TMF1: variants seen among roughly 807,000 people sequenced by gnomAD.
The protein encoded by TMF1 is TATA element modulatory factor 1, also known as TATA element modulatory factor.
TMF1 carries 71 observed loss-of-function variants against 126.5 expected under a neutral mutation model. That is an observed-to-expected ratio of 0.56 (90% confidence interval 0.46 to 0.68). The LOEUF is 0.68. Among genes scored for constraint, TMF1 ranks in the 30% least tolerant of loss-of-function variants. The pLI is 0.00. For missense variants in TMF1, 1,259 were observed against 1,253.2 expected (o/e 1.00, Z -0.07); for synonymous variants, 461 against 430.5 (o/e 1.07, Z -0.88).
At position 69,048,108 on chromosome 3, in the gene TMF1, A is replaced by G. The variant is rs899308014; in HGVS notation, c.597T>C (p.Ser199=). ...CCATAGTTGTTTTCACATCAATTAC[A>G]CTTTCAGATACTTTCAAACTTACAG... ...VPTVSLKVSE[S]VIDVKTTMES... is the part of the protein sequence containing the mutation. The change falls in exon 2 of 17, where the codon AGT becomes AGC. Residue 199 remains serine, a synonymous_variant. Transcript: ENST00000398559. 2 of 1,614,164 alleles carry G rather than the reference A, an allele frequency of 1.2e-6. No individual in the cohort carries two copies. The highest frequency in any genetic ancestry group is 1.3e-5 in the African/African-American group (1 of 75,050).
chr3:69,038,857 C>A lies in TMF1; in HGVS notation c.1980G>T (p.Leu660=), dbSNP rs766993601. The A allele has an allele frequency of 6.2e-7, 1 of 1,607,578 alleles. No homozygotes were observed. The highest frequency in any genetic ancestry group is 1.7e-5 in the Admixed American group (1 of 58,592). Residue 660 remains leucine (L), a synonymous_variant, in exon 7 of 17, where the codon CTG becomes CTT. Transcript: ENST00000398559. ...EEKNRSIQAA[L]DSAYKELTDL... The stretch of plus-strand genomic sequence containing the variant: ...CATTTTCTTACTTGTATGCACTATC[C>A]AGGGCAGCCTGAATACTTCGGTTCT...
chr3:69,024,263 GT>G lies in TMF1; in HGVS notation c.3013-84del. Reference sequence around the variant, plus strand: ...AGTAATATAAAAATATTTAATGTGTGTGTGGTTTTTTTTTTTTTTTTGAAAT... The same window carrying G: ...AGTAATATAAAAATATTTAATGTGTGGTGGTTTTTTTTTTTTTTTTGAAAT... On this transcript the variant is annotated intron_variant, in intron 15 of 16. Coordinates refer to ENST00000398559, the MANE Select transcript of TMF1 (RefSeq NM_007114.3). The G allele has an allele frequency of 7.9e-6, 9 of 1,136,950 alleles. No homozygotes were observed. The East Asian group carries it at 2.1e-4, about 26-fold the overall frequency. 70.4% of individuals were successfully genotyped at this position (1,136,950 alleles called of 1,614,324 possible). A position where few individuals can be genotyped will look rare whatever the true frequency, so the allele number is the denominator to read the frequency against.
At chr3:69,048,732 T>C (rs1156808724) in intron 1 of TMF1, 170 bp from the exon 2 acceptor site, 12 of 599,888 alleles carry the variant, frequency 2.0e-5, no homozygotes, top group Non-Finnish European at 2.6e-5. Flanking sequence ...AGTTTCCAAG[T>C]TAATACAGGG....
At position 69,039,531 on chromosome 3, in the gene TMF1, G is replaced by A; in HGVS notation, c.1827+20C>T. ...GAAGTAATAACAATATATATGTAGA[G>A]AATTATGATTGCTATTCACCTGTTT... On this transcript the variant is annotated intron_variant, in intron 6 of 16. Transcript: ENST00000398559. The A allele has an allele frequency of 6.2e-7, 1 of 1,605,460 alleles. No individual in the cohort carries two copies. Among genetic ancestry groups the A allele is most frequent in the Non-Finnish European group, 8.5e-7 (1 of 1,177,690 alleles).
chr3:69,029,186 A>G (rs2091786062), intron 11 of TMF1, among the ~76,000 whole-genome samples: 1 of 151,654 alleles, frequency 6.6e-6, no homozygotes, highest in Non-Finnish European at 1.5e-5. Context: ...GGCGTCTGCC[A>G]CCATGCCTGG....
At chr3:69,029,725 G>A (rs549461412) in intron 11 of TMF1, 90 bp downstream of exon 11, 5 of 1,290,536 alleles carry the variant, frequency 3.9e-6, no homozygotes, top group Non-Finnish European at 5.3e-6. Context: ...ACAGGCGTGA[G>A]CCACGGCGCC....
chr3:69,027,105 C>T lies in TMF1; in HGVS notation c.2757+795G>A, dbSNP rs554056519. ...CCGCCTCCCGGGTTCAAGCAATTCT[C>T]CCACCTCTGCCTCCCGAGTAGCTGG... On this transcript the variant is annotated intron_variant, in intron 13 of 16. Coordinates refer to ENST00000398559, the MANE Select transcript of TMF1 (RefSeq NM_007114.3). Among the ~76,000 whole-genome samples the T allele has an allele frequency of 1.6e-3, 249 of 152,242 alleles. 3 individuals carry two copies. The highest frequency in any genetic ancestry group is 5.7e-3 in the African/African-American group (235 of 41,546).
Position 69,030,015 on chromosome 3 carries a change from C to G in TMF1, c.2402-8G>C. 1 of 1,596,520 alleles carries G rather than the reference C, an allele frequency of 6.3e-7. No individual in the cohort carries two copies. Among genetic ancestry groups the G allele is most frequent in the Non-Finnish European group, 8.5e-7 (1 of 1,173,622 alleles). On this transcript the variant is annotated splice_polypyrimidine_tract_variant and splice_region_variant and intron_variant, in intron 10 of 16. Coordinates refer to ENST00000398559, the MANE Select transcript of TMF1 (RefSeq NM_007114.3). ...GCAAGGTCTGGGATTCACCTGATTA[C>G]AGGACAGAAAAAAAAATCACATACA... is the stretch of plus-strand genomic sequence containing the variant.
In TMF1 at chr3:69,039,601, G is replaced by A. The variant is rs1381072211; in HGVS notation, c.1777C>T (p.Leu593=). ...TCTAGCTCTTTAACTTTTTTGTTCA[G>A]CTTTGCAACCATATTTTCATTCTCC... is the stretch of plus-strand genomic sequence containing the variant. ...DKENENMVAK[L]NKKVKELEEE... Residue 593 remains leucine, a synonymous_variant, in exon 6 of 17, where the codon CTG becomes TTG. Transcript: ENST00000398559. The A allele has an allele frequency of 3.1e-6, 5 of 1,613,280 alleles. No individual in the cohort carries two copies. Among genetic ancestry groups the A allele is most frequent in the Non-Finnish European group, 4.2e-6 (5 of 1,179,832 alleles).
chr3:69,043,021 G>T, intron 4 of TMF1, 109 bp from the exon 5 acceptor site: 4 of 747,504 alleles, frequency 5.4e-6, no homozygotes, highest in African/African-American at 1.8e-5. Context: ...TTTGCAATAA[G>T]AATCTGTAAG....
At chr3:69,048,720 G>T (rs920875946) in intron 1 of TMF1, 158 bp from the exon 2 acceptor site, 1 of 662,342 alleles carries the variant, frequency 1.5e-6, no homozygotes, top group Non-Finnish European at 2.3e-6. Context: ...ACATCATTAA[G>T]TAGTTTCCAA....
chr3:69,023,951 A>G, intron 16 of TMF1, 104 bp downstream of exon 16: 4 of 1,127,748 alleles, frequency 3.5e-6, no homozygotes, highest in Non-Finnish European at 4.8e-6. Flanking sequence ...AGTACTCTTT[A>G]ATTTTCAAAT....
At chr3:69,035,263 T>C (rs2091825812) in intron 8 of TMF1, 148 bp from the exon 9 acceptor site, 1 of 622,286 alleles carries the variant, frequency 1.6e-6, no homozygotes, top group African/African-American at 1.8e-5. Context: ...TTATCACATC[T>C]CTCATTCATC....
In TMF1 at chr3:69,025,623, T is replaced by G; in HGVS notation, c.2949A>C (p.Ser983=). Residue 983 remains serine, a synonymous_variant, in exon 15 of 17, where the codon TCA becomes TCC. Coordinates refer to ENST00000398559, the MANE Select transcript of TMF1 (RefSeq NM_007114.3). ...GAGACTGTAGGTTTTCAATTATGCT[T>G]GATCCTGCTCCCATCCTTACAGCAT... is the stretch of plus-strand genomic sequence containing the variant. The part of the protein sequence containing the change: ...LYDAVRMGAG[S]SIIENLQSQL... The G allele has an allele frequency of 6.2e-7, 1 of 1,614,160 alleles. No homozygotes were observed.
Position 69,052,137 on chromosome 3 carries a change from C to T in TMF1, c.-51G>A, listed in dbSNP as rs760523573. 1.9e-6 allele frequency: 3 copies of T among 1,576,014 alleles called. No individual in the cohort carries two copies. Among genetic ancestry groups the T allele is most frequent in the South Asian group, 1.2e-5 (1 of 86,924 alleles). On this transcript the variant is annotated 5_prime_UTR_variant, in exon 1 of 17. Transcript: ENST00000398559. ...GCGGCAGCACCAAGCGGGAAGGCCT[C>T]AGGCCTGGGGAAGGGTGCAGAGGAA...
In TMF1 at chr3:69,025,663, CCATTTGCTGATATAGG is replaced by C; in HGVS notation, c.2893_2908del (p.Pro965GlufsTer8). The stretch of plus-strand genomic sequence containing the variant: ...CCTTACAGCATCATAAAGATTGCTT[CCATTTGCTGATATAGG>C]CATTGGTCCAAATGAGTGATCATGA... On this transcript the variant is annotated frameshift_variant, in exon 15 of 17. Transcript: ENST00000398559. LOFTEE classifies it high-confidence loss of function. 6.2e-7 allele frequency: 1 copy of C among 1,614,008 alleles called. No individual in the cohort carries two copies. The highest frequency in any genetic ancestry group is 1.1e-5 in the South Asian group (1 of 91,080).
intron 1 of TMF1, among the ~76,000 whole-genome samples, chr3:69,050,409 C>A (rs992333609): frequency 1.3e-5 from 2 of 151,968 alleles, no homozygotes; most frequent in Non-Finnish European, 2.9e-5. Context: ...CAGAGAAAAT[C>A]AAAATTAAAT....
Position 69,044,130 on chromosome 3 carries a change from G to A in TMF1, c.1452-254C>T, listed in dbSNP as rs574905922. 1.1e-4 allele frequency among the ~76,000 whole-genome samples: 16 copies of A among 152,272 alleles called. 1 individual carries two copies. Among genetic ancestry groups the A allele is most frequent in the African/African-American group, 3.8e-4 (16 of 41,568 alleles). On this transcript the variant is annotated intron_variant, in intron 3 of 16. Transcript: ENST00000398559. ...TCTGACATGTAAAAATAAGAGAAGA[G>A]TAAATACAATGTTTCAATTCTGAAT...
rs1476400900 is a variant in TMF1 at position 69,020,509 on chromosome 3, A to G, written c.*2668T>C. ...ATGTTATTTGCAGCTTTTTTCTTTC[A>G]AGAATGGAAACATCTAATTGCAAAT... On this transcript the variant is annotated 3_prime_UTR_variant, in exon 17 of 17. Coordinates refer to ENST00000398559, the MANE Select transcript of TMF1 (RefSeq NM_007114.3). The G allele has an allele frequency of 6.6e-6, 1 of 152,092 alleles. No homozygotes were observed. The highest frequency in any genetic ancestry group is 2.4e-5 in the African/African-American group (1 of 41,426). 9.4% of individuals were successfully genotyped at this position (152,092 alleles called of 1,614,324 possible).
Sources: gnomAD v4.1 joint callset for allele counts (sites outside exome capture counted in the v4.1 genomes callset) on GRCh38, gnomAD v4.1.1 for gene constraint, MANE v1.5 for transcripts, NCBI Gene and HGNC (gene_info 2026-07-23, HGNC 2026-07-21) for gene names.